The following MYT1L variants were observed in gnomAD, a reference collection of about 807,000 sequenced individuals.
MYT1L encodes the protein myelin transcription factor 1 like.
MYT1L carries 12 observed loss-of-function variants against 126.7 expected under a neutral mutation model. The ratio of observed to expected loss-of-function variants is 0.09; its 90% CI spans 0.06 to 0.15. The LOEUF is 0.15. Among genes scored for constraint, MYT1L ranks in the 10% least tolerant of loss-of-function variants. MYT1L has a pLI of 1.00. For missense variants in MYT1L, 979 were observed against 1,585.2 expected (o/e 0.62, Z 6.49); for synonymous variants, 541 against 604.2 (o/e 0.90, Z 1.53).
rs189232297 is a variant in MYT1L, at chr2:2,046,880, C to T, written c.-158+7098G>A. Among the ~76,000 whole-genome samples the T allele has an allele frequency of 4.1e-3, 624 of 152,204 alleles. 4 individuals carry two copies. Among genetic ancestry groups the T allele is most frequent in the Middle Eastern group, 0.017 (5 of 294 alleles). On this transcript the variant is annotated intron_variant, in intron 4 of 24. Transcript: ENST00000647738. ...TGCTATCAGCCTGCCTGTCTACTGTCCACTGAGAGGGAAAGAAAGCCATGA... is the reference window on the plus strand; with the variant it reads ...TGCTATCAGCCTGCCTGTCTACTGTTCACTGAGAGGGAAAGAAAGCCATGA...
At chr2:2,234,660 A>G in intron 2 of MYT1L, among the ~76,000 whole-genome samples, 1 of 152,186 alleles carries the variant, frequency 6.6e-6, no homozygotes, top group African/African-American at 2.4e-5. Context: ...CCCCATGGCA[A>G]TCTTTAAGAG....
chr2:2,183,944 G>A (rs1331305786), intron 2 of MYT1L, among the ~76,000 whole-genome samples: 3 of 146,634 alleles, frequency 2.0e-5, no homozygotes, highest in Non-Finnish European at 4.5e-5. Flanking sequence ...AAAAAGGAAG[G>A]AAGGAAGAAA....
chr2:2,108,098 G>C (rs2078969261), intron 3 of MYT1L, among the ~76,000 whole-genome samples: 1 of 152,148 alleles, frequency 6.6e-6, no homozygotes, highest in Non-Finnish European at 1.5e-5. Context: ...CAAACCAGGA[G>C]GAGATGGGCA....
intron 2 of MYT1L, among the ~76,000 whole-genome samples, chr2:2,270,990 G>T (rs556145694): frequency 5.3e-5 from 8 of 152,330 alleles, no homozygotes; most frequent in Admixed American, 1.3e-4. Context: ...CAAGGATGTG[G>T]TTGCGTGTTC....
At chr2:1,844,211 C>T (rs1171731032) in intron 19 of MYT1L, among the ~76,000 whole-genome samples, 8 of 152,200 alleles carry the variant, frequency 5.3e-5, no homozygotes, top group African/African-American at 1.9e-4. Flanking sequence ...GACCTAGCTT[C>T]CCCTTCAGCA....
At chr2:2,161,138 G>A (rs921804209) in intron 3 of MYT1L, among the ~76,000 whole-genome samples, 4 of 152,056 alleles carry the variant, frequency 2.6e-5, no homozygotes, top group South Asian at 2.1e-4. Context: ...GCTTGAACCC[G>A]GGAGGCAGAG....
chr2:1,798,241 CGGCGGTCTCCCTCCATCCGGCACAGGCGT>C (rs2034166799), intron 23 of MYT1L, among the ~76,000 whole-genome samples: 1 of 137,498 alleles, frequency 7.3e-6, no homozygotes, highest in Non-Finnish European at 1.5e-5. Flanking sequence ...GGCACAGGCG[CGGCGGTCTCCCTCCATCCGGCACAGGCGT>C]GGCGGTCTTC....
chr2:1,811,194 C>T lies in MYT1L; in HGVS notation c.3081-2027G>A, dbSNP rs1213166121. On this transcript the variant is annotated intron_variant, in intron 21 of 24. Coordinates refer to ENST00000647738, the MANE Select transcript of MYT1L (RefSeq NM_001303052.2). This position sits in a 1 kb window ranked among gnomAD's most constrained non-coding sequence, Gnocchi z 4.4. ...GAGGAATAAATTTCTGGTTTCTATG[C>T]TGCCCAAGGTATGGTATTTGTTTTT... 6.6e-6 allele frequency: 1 copy of T among 152,160 alleles called. No individual in the cohort carries two copies. Among genetic ancestry groups the T allele is most frequent in the Non-Finnish European group, 1.5e-5 (1 of 68,032 alleles). 9.4% of individuals were successfully genotyped at this position (152,160 alleles called of 1,614,324 possible).
At chr2:2,175,152 G>A (rs115974366) in intron 2 of MYT1L, among the ~76,000 whole-genome samples, 6 of 152,142 alleles carry the variant, frequency 3.9e-5, no homozygotes, top group African/African-American at 1.4e-4. Context: ...TCCACCGTGG[G>A]GCACTGCTGA....
At chr2:2,148,763 T>G (rs2085278134) in intron 3 of MYT1L, among the ~76,000 whole-genome samples, 1 of 152,208 alleles carries the variant, frequency 6.6e-6, no homozygotes, top group Non-Finnish European at 1.5e-5. Context: ...TTCTCCACTA[T>G]GGGATTCTTA....
At chr2:1,956,283 T>A (rs62650073) in intron 8 of MYT1L, among the ~76,000 whole-genome samples, 1 of 112,058 alleles carries the variant, frequency 8.9e-6, no homozygotes, top group Non-Finnish European at 1.8e-5. Context: ...TATCTACCTA[T>A]CTATCATCTA....
intron 9 of MYT1L, among the ~76,000 whole-genome samples, chr2:1,930,857 T>C (rs1274813342): frequency 6.6e-6 from 1 of 152,164 alleles, no homozygotes; most frequent in African/African-American, 2.4e-5. Flanking sequence ...GCTGTACAGA[T>C]TAGTTTTCAC....
chr2:1,886,492 C>A, intron 18 of MYT1L, 47 bp downstream of exon 18: 1 of 1,372,488 alleles, frequency 7.3e-7, no homozygotes, highest in Non-Finnish European at 9.9e-7. Context: ...TTGTGAACTA[C>A]TGAGTGCATG....
intron 1 of MYT1L, among the ~76,000 whole-genome samples, chr2:2,295,595 GAGAGAGAGACAGAC>G (rs1559583732): frequency 7.1e-4 from 56 of 79,350 alleles, no homozygotes; most frequent in Middle Eastern, 6.9e-3. Context: ...CAGACAGACA[GAGAGAGAGACAGAC>G]AGAGAGAGAG....
At chr2:2,051,893 A>G (rs952279901) in intron 4 of MYT1L, among the ~76,000 whole-genome samples, 5 of 152,126 alleles carry the variant, frequency 3.3e-5, no homozygotes, top group African/African-American at 1.2e-4. Context: ...TGATCTACAA[A>G]TTCAGTGCAA....
chr2:2,128,244 T>A (rs1414901281), intron 3 of MYT1L, among the ~76,000 whole-genome samples: 1 of 152,188 alleles, frequency 6.6e-6, no homozygotes, highest in Non-Finnish European at 1.5e-5. Flanking sequence ...CCTCCCATTC[T>A]CAAGTGATTC....
intron 2 of MYT1L, among the ~76,000 whole-genome samples, chr2:2,214,631 C>T (rs1559358429): frequency 6.6e-6 from 1 of 152,062 alleles, no homozygotes; most frequent in Non-Finnish European, 1.5e-5. Context: ...AAATGTCATT[C>T]AAAAGCGAAG....
chr2:2,156,826 C>A (rs1399000705), intron 3 of MYT1L, among the ~76,000 whole-genome samples: 1 of 152,182 alleles, frequency 6.6e-6, no homozygotes, highest in African/African-American at 2.4e-5. Flanking sequence ...AGCAAAGCGG[C>A]TGTTGGAGAG....
intron 3 of MYT1L, among the ~76,000 whole-genome samples, chr2:2,066,206 C>A (rs1486879142): frequency 6.6e-6 from 1 of 152,216 alleles, no homozygotes; most frequent in African/African-American, 2.4e-5. Flanking sequence ...CATCCTACTT[C>A]TCTTATTAAA....
Sources: allele counts gnomAD v4.1 joint callset (sites outside exome capture counted in the v4.1 genomes callset), GRCh38; gene constraint gnomAD v4.1.1; non-coding constraint Gnocchi (gnomAD v3.1); transcripts MANE v1.5; gene names NCBI Gene and HGNC (gene_info 2026-07-23, HGNC 2026-07-21).